The following CBLC variants were observed in gnomAD, a reference collection of about 807,000 sequenced individuals.
CBLC encodes E3 ubiquitin-protein ligase CBL-C.
In CBLC, 46 loss-of-function variants were observed where a neutral mutation model predicts 58.6. The ratio of observed to expected loss-of-function variants is 0.79; its 90% CI spans 0.62 to 1.00. The LOEUF (loss-of-function observed/expected upper bound fraction) is 1.00, where lower values mean the gene tolerates loss of function less well. CBLC is among the 50% of genes least tolerant of loss of function. The probability of loss-of-function intolerance (pLI) is 0.00; values close to 1 mark genes in which losing one functional copy is unlikely to be tolerated. For synonymous variants in CBLC, 271 were observed against 264.2 expected (o/e 1.03, Z -0.25); for missense variants, 655 against 625.8 (o/e 1.05, Z -0.50).
Position 44,800,384 on chromosome 19 carries a change from C to T in CBLC, c.1366C>T (p.Leu456Phe). Residue 456 changes from leucine to phenylalanine, a missense_variant, in exon 10 of 11, where the codon CTC (leucine) becomes TTC (phenylalanine). Around this residue, in one of 3 missense-constraint regions of CBLC, gnomAD observed 371 missense variants for 370.8 expected, o/e 1.00. Transcript: ENST00000647358. ...KPRNAQPKVR[L>F]LKGNSPPAAL... ...TCTCAAAATATCTCCATTGCAGAGA[C>T]TCCTAAAGGGGAACTCCCCTCCAGC... 6.2e-7 allele frequency: 1 copy of T among 1,610,548 alleles called. No individual in the cohort carries two copies. The highest frequency in any genetic ancestry group is 1.1e-5 in the South Asian group (1 of 91,014).
At chr19:44,798,263 C>T (rs889047345) in intron 9 of CBLC, among the ~76,000 whole-genome samples, 1 of 151,822 alleles carries the variant, frequency 6.6e-6, no homozygotes, top group Non-Finnish European at 1.5e-5. Flanking sequence ...ACCGTGTTGC[C>T]GAAGTTGGTC....
In CBLC at chr19:44,792,481, C is replaced by T. The variant is rs60229589; in HGVS notation, c.1104C>T (p.His368=). The part of the protein sequence containing the change: ...NKDVKIEPCG[H]LLCSCCLAAW... ...ATGTGAAGATTGAGCCGTGCGGGCA[C>T]CTGCTCTGCAGCTGCTGCCTGGCTG... Residue 368 remains histidine, a synonymous_variant, in exon 7 of 11, where the codon CAC becomes CAT. Coordinates refer to ENST00000647358, the MANE Select transcript of CBLC (RefSeq NM_012116.4). 2 of 1,609,834 alleles carry T rather than the reference C, an allele frequency of 1.2e-6. No individual in the cohort carries two copies. The highest frequency in any genetic ancestry group is 2.2e-5 in the East Asian group (1 of 44,590).
intron 3 of CBLC, among the ~76,000 whole-genome samples, 158 bp downstream of exon 3, chr19:44,781,521 AG>A (rs1172786040): frequency 2.7e-3 from 134 of 49,894 alleles, no homozygotes; most frequent in African/African-American, 8.1e-3. Context: ...CTGAGGGAGG[AG>A]GGGGCTGGGA....
In CBLC at chr19:44,778,258, G is replaced by A. The variant is rs773804002; in HGVS notation, c.327G>A (p.Glu109=). The A allele has an allele frequency of 1.4e-6, 2 of 1,444,346 alleles. No individual in the cohort carries two copies. Among genetic ancestry groups the A allele is most frequent in the African/African-American group, 1.5e-5 (1 of 68,230 alleles). 89.5% of individuals were successfully genotyped at this position (1,444,346 alleles called of 1,614,324 possible). ...PPRGRRSAND[E]LFRAGSRLRR... ...GGGGCCGAAGGAGTGCCAACGACGA[G>A]CTCTTCCGGGCGGGCTCCAGACTCA... The change falls in exon 1 of 11, where the codon GAG becomes GAA. Residue 109 remains glutamate, a synonymous_variant. Transcript: ENST00000647358.
Position 44,784,280 on chromosome 19 carries a change from A to C in CBLC, c.796A>C (p.Ser266Arg), listed in dbSNP as rs558587668. Residue 266 changes from serine (S) to arginine (R), a missense_variant, in exon 5 of 11, where the codon AGC becomes CGC. Physicochemically the swap from Ser to Arg is moderately radical, Grantham distance 110 (BLOSUM62 -1). This residue lies in a region of CBLC where 371 missense variants were observed against 370.8 expected (regional missense o/e 1.00). Coordinates refer to ENST00000647358, the MANE Select transcript of CBLC (RefSeq NM_012116.4). ...DKPGSYIFRPSCTRLGQWAIG... is the reference protein window; with the variant it reads ...DKPGSYIFRPRCTRLGQWAIG... The stretch of plus-strand genomic sequence containing the variant: ...TCCCTCCAGTTACATCTTCCGGCCC[A>C]GCTGTACTCGCCTGGGGCAGTGGGC... 6.3e-7 allele frequency: 1 copy of C among 1,574,900 alleles called. No individual in the cohort carries two copies. The highest frequency in any genetic ancestry group is 1.7e-5 in the Admixed American group (1 of 59,456).
At chr19:44,788,744 C>G (rs192031767) in intron 5 of CBLC, among the ~76,000 whole-genome samples, 1 of 152,342 alleles carries the variant, frequency 6.6e-6, no homozygotes, top group East Asian at 1.9e-4. Flanking sequence ...CTCAAATGAT[C>G]TGCCTGCCTT....
At chr19:44,789,280 A>C (rs1967986457) in intron 5 of CBLC, among the ~76,000 whole-genome samples, 1 of 152,154 alleles carries the variant, frequency 6.6e-6, no homozygotes, top group Non-Finnish European at 1.5e-5. Context: ...GTGCTCTCAG[A>C]GGATCTTTCC....
chr19:44,796,469 C>T (rs919726869), intron 9 of CBLC, among the ~76,000 whole-genome samples: 1 of 152,030 alleles, frequency 6.6e-6, no homozygotes, highest in Non-Finnish European at 1.5e-5. Context: ...CTGCAACCTC[C>T]GCCTCTGGGG....
intron 4 of CBLC, among the ~76,000 whole-genome samples, chr19:44,783,742 C>G (rs1327124296): frequency 3.3e-5 from 5 of 152,166 alleles, no homozygotes; most frequent in Admixed American, 6.6e-5. Flanking sequence ...CAGCTAGATC[C>G]AGGTGCTCAA....
At chr19:44,793,211 G>A (rs948648931) in intron 7 of CBLC, among the ~76,000 whole-genome samples, 15 of 152,226 alleles carry the variant, frequency 9.9e-5, no homozygotes, top group African/African-American at 2.6e-4. Flanking sequence ...GGCCTGGCCC[G>A]GAAGCTGTGG....
At chr19:44,799,518 G>T (rs944356620) in intron 9 of CBLC, among the ~76,000 whole-genome samples, 1 of 152,142 alleles carries the variant, frequency 6.6e-6, no homozygotes, top group African/African-American at 2.4e-5. Flanking sequence ...TTTTCATAGA[G>T]ACAGGGTTTC....
At chr19:44,790,989 G>A (rs1272306627) in intron 6 of CBLC, among the ~76,000 whole-genome samples, 2 of 151,896 alleles carry the variant, frequency 1.3e-5, no homozygotes, top group Non-Finnish European at 1.5e-5. Context: ...CACACCTGTA[G>A]TCCCAGCTGA....
At chr19:44,794,848 G>A (rs1477918758) in intron 9 of CBLC, among the ~76,000 whole-genome samples, 2 of 151,964 alleles carry the variant, frequency 1.3e-5, no homozygotes, top group African/African-American at 4.8e-5. Context: ...GGCCTGCACA[G>A]TCTTTCCTGA....
intron 9 of CBLC, among the ~76,000 whole-genome samples, chr19:44,794,551 A>C (rs1599873271): frequency 8.2e-6 from 1 of 121,718 alleles, no homozygotes. Context: ...TGCAACCTCC[A>C]CCTCCCGGGT....
intron 6 of CBLC, among the ~76,000 whole-genome samples, chr19:44,791,426 G>C (rs939917192): frequency 6.6e-6 from 1 of 151,966 alleles, no homozygotes; most frequent in African/African-American, 2.4e-5. Context: ...GGGAGAAGAA[G>C]TCTCATAACA....
intron 9 of CBLC, among the ~76,000 whole-genome samples, chr19:44,796,595 G>A (rs1210080988): frequency 6.6e-6 from 1 of 152,000 alleles, no homozygotes; most frequent in Non-Finnish European, 1.5e-5. Context: ...ATGTTGGTCA[G>A]GCTGGTCTCG....
chr19:44,780,878 A>G, intron 1 of CBLC, 27 bp from the exon 2 acceptor site: 1 of 1,605,526 alleles, frequency 6.2e-7, no homozygotes, highest in Non-Finnish European at 8.5e-7. Flanking sequence ...CCCCAAGGAT[A>G]GCCAGAGTCC....
intron 6 of CBLC, among the ~76,000 whole-genome samples, chr19:44,792,155 A>G (rs1257801611): frequency 1.3e-5 from 2 of 151,606 alleles, no homozygotes; most frequent in Non-Finnish European, 2.9e-5. Flanking sequence ...CACCATGCCC[A>G]GCTAATTTTT....
chr19:44,784,317 T>C lies in CBLC; in HGVS notation c.833T>C (p.Val278Ala), dbSNP rs1967829312. ...TRLGQWAIGY[V>A]SSDGSILQTI... Reference sequence around the variant, plus strand: ...CTGGGGCAGTGGGCCATCGGCTATGTGAGCTCAGATGGCAGCATCCTGCAG... The same window carrying C: ...CTGGGGCAGTGGGCCATCGGCTATGCGAGCTCAGATGGCAGCATCCTGCAG... Residue 278 changes from valine (V) to alanine (A), a missense_variant, in exon 5 of 11, where the codon GTG becomes GCG. This residue lies in a region of CBLC where 371 missense variants were observed against 370.8 expected (regional missense o/e 1.00). Coordinates refer to ENST00000647358, the MANE Select transcript of CBLC (RefSeq NM_012116.4). 1 of 1,601,304 alleles carries C rather than the reference T, an allele frequency of 6.2e-7. No individual in the cohort carries two copies. The highest frequency in any genetic ancestry group is 8.5e-7 in the Non-Finnish European group (1 of 1,169,668).
Sources: gnomAD v4.1 joint callset for allele counts (sites outside exome capture counted in the v4.1 genomes callset) on GRCh38, gnomAD v4.1.1 for gene constraint, gnomAD v4.1.1 regional missense constraint, MANE v1.5 for transcripts, NCBI Gene and HGNC (gene_info 2026-07-23, HGNC 2026-07-21) for gene names.